The following PPP6R2 variants were observed in gnomAD, a reference collection of about 807,000 sequenced individuals.
The protein encoded by PPP6R2 is protein phosphatase 6 regulatory subunit 2.
Under a neutral mutation model 100.2 loss-of-function variants are expected in PPP6R2, and 62 were observed. The ratio of observed to expected loss-of-function variants is 0.62; its 90% CI spans 0.50 to 0.76. The LOEUF (loss-of-function observed/expected upper bound fraction) is 0.76, where lower values mean the gene tolerates loss of function less well. Among genes scored for constraint, PPP6R2 ranks in the 30% least tolerant of loss-of-function variants. The pLI is 0.00. For missense variants in PPP6R2, 1,142 were observed against 1,276.3 expected (o/e 0.89, Z 1.60); for synonymous variants, 525 against 514.7 (o/e 1.02, Z -0.27).
the PPP6R2 span, among the ~76,000 whole-genome samples, chr22:50,334,980 T>G: frequency 6.6e-6 from 1 of 151,844 alleles, no homozygotes; most frequent in African/African-American, 2.4e-5. Context: ...AAAAAACACC[T>G]GCTGAGATTT....
intron 21 of PPP6R2, among the ~76,000 whole-genome samples, chr22:50,440,402 C>T (rs955852832): frequency 3.9e-5 from 6 of 152,196 alleles, no homozygotes; most frequent in Non-Finnish European, 7.3e-5. Context: ...GATCAGAGCC[C>T]CTGGCCCCCA....
At chr22:50,437,484 T>TCCCCC in intron 15 of PPP6R2, 22 bp from the exon 16 acceptor site, 4 of 542,124 alleles carry the variant, frequency 7.4e-6, no homozygotes, top group South Asian at 2.9e-5. Context: ...TGTCCGTCCC[T>TCCCCC]CCCTCCCTCC....
At chr22:50,392,400 A>G (rs1309370762) in intron 2 of PPP6R2, among the ~76,000 whole-genome samples, 1 of 151,808 alleles carries the variant, frequency 6.6e-6, no homozygotes, top group Admixed American at 6.6e-5. Flanking sequence ...CAGTGTATAT[A>G]TGGAGTCCCT....
At chr22:50,405,025 A>G (rs1369143778) in intron 3 of PPP6R2, among the ~76,000 whole-genome samples, 1 of 152,182 alleles carries the variant, frequency 6.6e-6, no homozygotes, top group Non-Finnish European at 1.5e-5. Context: ...CCTTATTCAC[A>G]GGTGTTGGTA....
In PPP6R2 at chr22:50,406,751, G is replaced by T. The variant is rs1215395413; in HGVS notation, c.290G>T (p.Gly97Val). 1.1e-5 allele frequency: 18 copies of T among 1,614,116 alleles called. No homozygotes were observed. The highest frequency in any genetic ancestry group is 1.5e-5 in the Non-Finnish European group (18 of 1,179,994). Residue 97 changes from glycine to valine, a missense_variant, in exon 4 of 24, where the codon GGT becomes GTT. Physicochemically the swap from Gly to Val is moderately radical, Grantham distance 109. Around this residue, in one of 2 missense-constraint regions of PPP6R2, gnomAD observed 592 missense variants for 758.9 expected, o/e 0.78. Coordinates refer to ENST00000612753, the MANE Select transcript of PPP6R2 (RefSeq NM_001242898.2). Reference protein sequence around the residue: ...CDVPQISDRLGGDESLLSLLY... With the variant: ...CDVPQISDRLVGDESLLSLLY... ...GTGCCGCAGATCAGCGACCGCCTCG[G>T]TGGGGACGAGAGCCTGCTGAGCCTC...
rs553148252 is a variant in PPP6R2 at position 50,408,287 on chromosome 22, TTCAG to T, written c.414+1417_414+1420del. Among the ~76,000 whole-genome samples the T allele has an allele frequency of 3.5e-3, 531 of 152,308 alleles. 2 individuals carry two copies. The highest frequency in any genetic ancestry group is 0.012 in the African/African-American group (517 of 41,550). ...CGTAATTGTTTCATACCATCAAACA[TTCAG>T]TCAGGGCACAAACCAGTATCTTACA... On this transcript the variant is annotated intron_variant, in intron 4 of 23. Transcript: ENST00000612753.
At chr22:50,401,685 C>T (rs1751315763) in intron 3 of PPP6R2, among the ~76,000 whole-genome samples, 1 of 151,836 alleles carries the variant, frequency 6.6e-6, no homozygotes, top group South Asian at 2.1e-4. Flanking sequence ...CTCTGTCGCC[C>T]AGGCTGGAAT....
At chr22:50,353,594 G>A (rs1177572462) in intron 1 of PPP6R2, among the ~76,000 whole-genome samples, 1 of 152,138 alleles carries the variant, frequency 6.6e-6, no homozygotes, top group Non-Finnish European at 1.5e-5. Context: ...GTAAGCACAT[G>A]CTGTTGGAAA....
chr22:50,354,856 A>T (rs1041245002), intron 1 of PPP6R2, among the ~76,000 whole-genome samples: 1 of 146,534 alleles, frequency 6.8e-6, no homozygotes, highest in South Asian at 2.2e-4. Context: ...AAGCTGCTGC[A>T]CCTGGATCAG....
chr22:50,441,328 G>C (rs1046969517), intron 22 of PPP6R2, among the ~76,000 whole-genome samples: 2 of 152,188 alleles, frequency 1.3e-5, no homozygotes, highest in African/African-American at 4.8e-5. Flanking sequence ...CAGTCCCCCA[G>C]GGACTTGGGG....
intron 2 of PPP6R2, among the ~76,000 whole-genome samples, chr22:50,381,877 C>T (rs2053128424): frequency 6.8e-6 from 1 of 147,650 alleles, no homozygotes; most frequent in African/African-American, 2.5e-5. Context: ...CACTGCACTC[C>T]AGCCCGGGTG....
rs532843831 is a variant in PPP6R2 at position 50,437,050 on chromosome 22, C to T, written c.1665C>T (p.Asn555=). 8 of 1,561,294 alleles carry T rather than the reference C, an allele frequency of 5.1e-6. No individual in the cohort carries two copies. Among genetic ancestry groups the T allele is most frequent in the African/African-American group, 4.1e-5 (3 of 73,706 alleles). ...AGGACATTGAGGGTGCTTTCCCTAA[C>T]GAGCTGTCCCTTCAGCAGGTGAGGG... ...EDEDIEGAFP[N]ELSLQQAFSD... is the part of the protein sequence containing the mutation. The change falls in exon 15 of 24, where the codon AAC becomes AAT. Residue 555 remains asparagine, a synonymous_variant. Transcript: ENST00000612753.
At chr22:50,419,256 G>T (rs1025555826) in intron 7 of PPP6R2, 93 bp from the exon 8 acceptor site, 1 of 1,138,542 alleles carries the variant, frequency 8.8e-7, no homozygotes, top group Admixed American at 2.0e-5. Context: ...TGAGGGTTTT[G>T]CTGGGGTCCT....
At position 50,416,277 on chromosome 22, in the gene PPP6R2, G is replaced by T; in HGVS notation, c.618+120G>T. 3.7e-6 allele frequency: 3 copies of T among 821,860 alleles called. No homozygotes were observed. The South Asian group carries it at 5.4e-5, about 15-fold the overall frequency. The allele number at this position is 821,860 out of a possible 1,614,324, so 50.9% of individuals were successfully genotyped here. On this transcript the variant is annotated intron_variant, in intron 6 of 23. Transcript: ENST00000612753. Reference sequence around the variant, plus strand: ...CATCCCTTTCCTAAGATGAGGATCGGTTAGGTACTTTTCTTTCTTTAATCA... The same window carrying T: ...CATCCCTTTCCTAAGATGAGGATCGTTTAGGTACTTTTCTTTCTTTAATCA...
chr22:50,367,475 G>A (rs1425130962), intron 1 of PPP6R2, among the ~76,000 whole-genome samples: 2 of 152,058 alleles, frequency 1.3e-5, no homozygotes, highest in Non-Finnish European at 2.9e-5. Context: ...GGGAGCAGTG[G>A]GCAGAGGATG....
intron 10 of PPP6R2, among the ~76,000 whole-genome samples, chr22:50,430,617 T>A (rs2062948635): frequency 6.6e-6 from 1 of 152,214 alleles, no homozygotes; most frequent in South Asian, 2.1e-4. Context: ...CTTATGCCTG[T>A]CATCCCAGCA....
intron 4 of PPP6R2, among the ~76,000 whole-genome samples, chr22:50,409,464 T>C (rs1399366770): frequency 6.6e-6 from 1 of 152,142 alleles, no homozygotes; most frequent in African/African-American, 2.4e-5. Context: ...AGTCTTGCTC[T>C]GTCGCCAGGC....
Position 50,444,160 on chromosome 22 carries a change from C to G in PPP6R2, c.2832-39C>G, listed in dbSNP as rs151177518. 2,718 of 1,612,054 alleles carry G rather than the reference C, an allele frequency of 1.7e-3. 21 individuals are homozygous for G. The highest frequency in any genetic ancestry group is 0.011 in the South Asian group (980 of 91,032). ...GGGGGTAGGGGGTGTGGACAGGGCC[C>G]GCAGCCCGCACGGTTCCAACCCCAC... On this transcript the variant is annotated intron_variant, in intron 23 of 23. Transcript: ENST00000612753.
At chr22:50,427,273 C>A (rs950718538) in intron 10 of PPP6R2, among the ~76,000 whole-genome samples, 2 of 151,248 alleles carry the variant, frequency 1.3e-5, no homozygotes. Flanking sequence ...ATATGTCTGT[C>A]CTTATGCCAG....
Sources: gnomAD v4.1 joint callset for allele counts (sites outside exome capture counted in the v4.1 genomes callset) on GRCh38, gnomAD v4.1.1 for gene constraint, gnomAD v4.1.1 regional missense constraint, MANE v1.5 for transcripts, NCBI Gene and HGNC (gene_info 2026-07-23, HGNC 2026-07-21) for gene names.